SIGLEC11: variants seen among roughly 807,000 people sequenced by gnomAD.
The protein encoded by SIGLEC11 is sialic acid binding Ig like lectin 11, also known as sialic acid-binding Ig-like lectin 11.
A neutral mutation model predicts 61.2 loss-of-function variants in SIGLEC11; 47 were observed. That is an observed-to-expected ratio of 0.77 (90% CI 0.61 to 0.98). SIGLEC11 has a LOEUF of 0.98. Among genes scored for constraint, SIGLEC11 ranks in the 50% least tolerant of loss-of-function variants. The pLI is 0.00. For synonymous variants in SIGLEC11, 278 were observed against 373.1 expected, an observed-to-expected ratio of 0.75 and a Z score of 2.94; for missense variants, 610 against 870.3, an observed-to-expected ratio of 0.70 and a Z score of 3.76.
Position 49,958,578 on chromosome 19 carries a change from G to A in SIGLEC11, c.1364-8C>T. 2 of 1,569,204 alleles carry A rather than the reference G, an allele frequency of 1.3e-6. No individual in the cohort carries two copies. Among genetic ancestry groups the A allele is most frequent in the Non-Finnish European group, 1.7e-6 (2 of 1,159,224 alleles). ...CCAGCAGCTGTGGAGGGTCTGTGGG[G>A]AGGGAGGACAGGACTCAGCAGGGGC... On this transcript the variant is annotated splice_polypyrimidine_tract_variant and splice_region_variant and intron_variant, in intron 7 of 10. Transcript: ENST00000447370.
intron 8 of SIGLEC11, among the ~76,000 whole-genome samples, chr19:49,958,022 T>A (rs2122907487): frequency 6.6e-6 from 1 of 152,156 alleles, no homozygotes; most frequent in East Asian, 1.9e-4. Flanking sequence ...AAAAAACCCC[T>A]TCTTTGTCTT....
At chr19:49,956,188 A>C (rs2076194788) in intron 8 of SIGLEC11, among the ~76,000 whole-genome samples, 1 of 152,226 alleles carries the variant, frequency 6.6e-6, no homozygotes, top group Non-Finnish European at 1.5e-5. Flanking sequence ...GACGCCCACA[A>C]GTTCAAGCGT....
rs916479200 is a variant in SIGLEC11 at position 49,959,356 on chromosome 19, T to G, written c.1057+4A>C. ...GACTCCAGGCCCCTGCTAGGCACAC[T>G]CACACTGCACAGAGAGGTCCAGGGC... On this transcript the variant is annotated splice_donor_region_variant and intron_variant, in intron 5 of 10. Transcript: ENST00000447370. The G allele has an allele frequency of 2.5e-5, 40 of 1,600,752 alleles. No individual in the cohort carries two copies. Among genetic ancestry groups the G allele is most frequent in the Non-Finnish European group, 3.3e-5 (39 of 1,179,452 alleles).
In SIGLEC11 at chr19:49,960,422, C is replaced by A. The variant is rs531876202; in HGVS notation, c.461-1G>T. The A allele has an allele frequency of 9.4e-6, 15 of 1,588,708 alleles. No individual in the cohort carries two copies. The highest frequency in any genetic ancestry group is 2.3e-5 in the East Asian group (1 of 44,368). ...TAGACATCAGGCTTCTTAGTCAGGG[C>A]TGGGACAGAGACCGGGTGGGAGATT... On this transcript the variant is annotated splice_acceptor_variant, in intron 2 of 10. Coordinates refer to ENST00000447370, the MANE Select transcript of SIGLEC11 (RefSeq NM_052884.3). LOFTEE classifies it high-confidence loss of function.
In SIGLEC11 at chr19:49,960,352, C is replaced by G; in HGVS notation, c.530G>C (p.Cys177Ser). ...LEPGQPVTVICVFNWAFKKCP... is the reference protein window; with the variant it reads ...LEPGQPVTVISVFNWAFKKCP... Reference sequence around the variant, plus strand: ...TTTCTTGAAAGCCCAGTTAAACACACAGATGACCGTCACCGGCTGCCCGGG... The same window carrying G: ...TTTCTTGAAAGCCCAGTTAAACACAGAGATGACCGTCACCGGCTGCCCGGG... Residue 177 changes from cysteine to serine, a missense_variant, in exon 3 of 11, where the codon TGT becomes TCT. By Grantham distance (112) the Cys-to-Ser change is moderately radical. This residue lies in a region of SIGLEC11 where 99 missense variants were observed against 131.6 expected (regional missense o/e 0.75). Transcript: ENST00000447370. 2 of 1,600,238 alleles carry G rather than the reference C, an allele frequency of 1.2e-6. No individual in the cohort carries two copies. The highest frequency in any genetic ancestry group is 4.5e-5 in the East Asian group (2 of 44,872).
intron 8 of SIGLEC11, among the ~76,000 whole-genome samples, chr19:49,952,742 C>T (rs2076166969): frequency 6.6e-6 from 1 of 152,212 alleles, no homozygotes; most frequent in Non-Finnish European, 1.5e-5. Flanking sequence ...CTTTCCCTGG[C>T]TTCTTAAGCA....
rs1485899703 is a variant in SIGLEC11 at position 49,949,825 on chromosome 19, G to C, written c.*145C>G. On this transcript the variant is annotated 3_prime_UTR_variant, in exon 11 of 11. Transcript: ENST00000447370. ...CCACTGGACTCTGGCCTGGAGGACA[G>C]AGTCAGACCCTGTCTCAAAAAAAGT... 4.6e-6 allele frequency: 4 copies of C among 863,112 alleles called. No individual in the cohort carries two copies. Among genetic ancestry groups the C allele is most frequent in the Non-Finnish European group, 6.2e-6 (4 of 641,330 alleles). The allele number at this position is 863,112 out of a possible 1,614,324, so 53.5% of individuals were successfully genotyped here.
rs71180665 is a variant in SIGLEC11 at position 49,955,314 on chromosome 19, C to CAAAAAAAAAAAAAAA, written c.1652-2935_1652-2921dup. Among the ~76,000 whole-genome samples, 1 of 102,548 alleles carries CAAAAAAAAAAAAAAA rather than the reference C, an allele frequency of 9.8e-6. No individual in the cohort carries two copies. 67.3% of individuals were successfully genotyped at this position (102,548 alleles called of 152,430 possible). ...CGGGGACTGGCCCCAGAAAAAAAGC[C>CAAAAAAAAAAAAAAA]AAAAAAAAAAAAAAAAAGAAAGGCA... is the stretch of plus-strand genomic sequence containing the variant. On this transcript the variant is annotated intron_variant, in intron 8 of 10. Transcript: ENST00000447370. The surrounding 1 kb of genome is among the most constrained non-coding windows in gnomAD (Gnocchi z 4.5).
chr19:49,954,265 A>C (rs1363944668), intron 8 of SIGLEC11, among the ~76,000 whole-genome samples: 1 of 152,166 alleles, frequency 6.6e-6, no homozygotes, highest in Non-Finnish European at 1.5e-5. Flanking sequence ...AGGAAACAGA[A>C]ATTCCTCCTC....
At position 49,958,633 on chromosome 19, in the gene SIGLEC11, C is replaced by T. The variant is rs1360413835; in HGVS notation, c.1363+10G>A. 1.3e-5 allele frequency: 21 copies of T among 1,579,548 alleles called. No individual in the cohort carries two copies. The highest frequency in any genetic ancestry group is 1.8e-5 in the Non-Finnish European group (21 of 1,163,508). ...TCCTGGGACCCAGGTGTCCCCTTTC[C>T]CCCACTCACAGTGCACGGAGAGGCT... is the stretch of plus-strand genomic sequence containing the variant. On this transcript the variant is annotated intron_variant, in intron 7 of 10. Coordinates refer to ENST00000447370, the MANE Select transcript of SIGLEC11 (RefSeq NM_052884.3).
rs1023597194 is a variant in SIGLEC11 at position 49,955,055 on chromosome 19, A to G, written c.1652-2661T>C. On this transcript the variant is annotated intron_variant, in intron 8 of 10. Coordinates refer to ENST00000447370, the MANE Select transcript of SIGLEC11 (RefSeq NM_052884.3). The surrounding 1 kb of genome is among the most constrained non-coding windows in gnomAD (Gnocchi z 4.5). ...CCTATTTGACCCTGAGGCTGCTGAA[A>G]ATCAGCGCATGGTAAACACAGCATT... Among the ~76,000 whole-genome samples, 3 of 152,180 alleles carry G rather than the reference A, an allele frequency of 2.0e-5. No homozygotes were observed. The highest frequency in any genetic ancestry group is 2.0e-4 in the Admixed American group (3 of 15,274).
intron 8 of SIGLEC11, among the ~76,000 whole-genome samples, chr19:49,957,391 A>C (rs2076204096): frequency 6.6e-6 from 1 of 151,234 alleles, no homozygotes; most frequent in African/African-American, 2.4e-5. Flanking sequence ...AGGGTTAAAA[A>C]AAAAACAAAA....
At chr19:49,950,315 G>T in intron 10 of SIGLEC11, 79 bp from the exon 11 acceptor site, 1 of 1,342,064 alleles carries the variant, frequency 7.5e-7, no homozygotes. Context: ...AAGAGGATCT[G>T]GAAATTGAGT....
intron 8 of SIGLEC11, 133 bp downstream of exon 8, chr19:49,958,150 A>G: frequency 7.8e-7 from 1 of 1,286,268 alleles, no homozygotes; most frequent in Non-Finnish European, 1.1e-6. Flanking sequence ...AACAACTACC[A>G]GCCACAGAGC....
At chr19:49,953,785 AG>A (rs2076176162) in intron 8 of SIGLEC11, among the ~76,000 whole-genome samples, 1 of 152,162 alleles carries the variant, frequency 6.6e-6, no homozygotes, top group South Asian at 2.1e-4. Flanking sequence ...CCGAAACTAG[AG>A]GAAGAGTGAG....
In SIGLEC11 at chr19:49,955,523, C is replaced by T. The variant is rs970695435; in HGVS notation, c.1651+2760G>A. On this transcript the variant is annotated intron_variant, in intron 8 of 10. Coordinates refer to ENST00000447370, the MANE Select transcript of SIGLEC11 (RefSeq NM_052884.3). This position sits in a 1 kb window ranked among gnomAD's most constrained non-coding sequence, Gnocchi z 4.5. ...CGTGCGTGCACAGGGGCGGGGCCCA[C>T]GCCGTAGCCCAGTCCCACTGGCCAG... is the stretch of plus-strand genomic sequence containing the variant. Among the ~76,000 whole-genome samples the T allele has an allele frequency of 2.0e-5, 3 of 152,086 alleles. No homozygotes were observed. The highest frequency in any genetic ancestry group is 4.4e-5 in the Non-Finnish European group (3 of 68,032).
chr19:49,952,090 TC>T, intron 9 of SIGLEC11, 118 bp from the exon 10 acceptor site: 1 of 1,128,900 alleles, frequency 8.9e-7, no homozygotes, highest in Non-Finnish European at 1.2e-6. Context: ...TGGGGACATA[TC>T]CACGGGGTGA....
At chr19:49,950,331 C>T (rs1425041637) in intron 10 of SIGLEC11, 95 bp from the exon 11 acceptor site, 1 of 1,284,030 alleles carries the variant, frequency 7.8e-7, no homozygotes, top group Non-Finnish European at 1.0e-6. Context: ...TGAGTATTTC[C>T]TGTTTCACCT....
chr19:49,953,012 CG>C (rs1374435138), intron 8 of SIGLEC11, among the ~76,000 whole-genome samples: 1 of 152,192 alleles, frequency 6.6e-6, no homozygotes, highest in African/African-American at 2.4e-5. Flanking sequence ...TCCTGTTCTC[CG>C]TATCGGTCTC....
Sources: allele counts gnomAD v4.1 joint callset (sites outside exome capture counted in the v4.1 genomes callset), GRCh38; gene constraint gnomAD v4.1.1; regional missense constraint gnomAD v4.1.1; non-coding constraint Gnocchi (gnomAD v3.1); transcripts MANE v1.5; gene names NCBI Gene and HGNC (gene_info 2026-07-23, HGNC 2026-07-21).